The following SVIL variants were observed in gnomAD, a reference collection of about 807,000 sequenced individuals.
SVIL encodes archvillin.
In SVIL, 101 loss-of-function variants were observed where a neutral mutation model predicts 240.4. The ratio of observed to expected loss-of-function variants is 0.42; its 90% CI spans 0.36 to 0.50. The LOEUF is 0.50. Among genes scored for constraint, SVIL ranks in the 20% least tolerant of loss-of-function variants. The pLI, the probability that SVIL is intolerant of heterozygous loss-of-function variation, is 0.01. For synonymous variants in SVIL, 999 were observed against 1,100.0 expected, an observed-to-expected ratio of 0.91 and a Z score of 1.82; for missense variants, 2,512 against 2,818.7, an observed-to-expected ratio of 0.89 and a Z score of 2.46.
chr10:29,616,297 A>G (rs1957423976), intron 1 of SVIL, among the ~76,000 whole-genome samples: 1 of 152,148 alleles, frequency 6.6e-6, no homozygotes, highest in South Asian at 2.1e-4. Flanking sequence ...TCGGCCTCCC[A>G]AAGTGTTAGG....
At chr10:29,477,563 C>T (rs911966373) in intron 29 of SVIL, among the ~76,000 whole-genome samples, 2 of 152,206 alleles carry the variant, frequency 1.3e-5, no homozygotes, top group Non-Finnish European at 2.9e-5. Context: ...AGCTCTGACT[C>T]AGTCCTGTTT....
At chr10:29,491,860 G>T (rs1242495194) in intron 21 of SVIL, among the ~76,000 whole-genome samples, 1 of 152,198 alleles carries the variant, frequency 6.6e-6, no homozygotes, top group South Asian at 2.1e-4. Flanking sequence ...TGGTTAAACC[G>T]CTATGTATGC....
At chr10:29,691,551 G>T (rs1049933999) in intron 1 of SVIL, among the ~76,000 whole-genome samples, 1 of 152,258 alleles carries the variant, frequency 6.6e-6, no homozygotes, top group African/African-American at 2.4e-5. Flanking sequence ...TCTTGGCGAC[G>T]CTCCAGCTTC....
At chr10:29,626,752 C>G (rs1334112190) in intron 1 of SVIL, among the ~76,000 whole-genome samples, 1 of 152,114 alleles carries the variant, frequency 6.6e-6, no homozygotes. Flanking sequence ...AGGCTGGGCG[C>G]GGTGGCTCAG....
rs1453448721 is a variant in SVIL, at chr10:29,530,758, T to G, written c.2045-90A>C. 5.0e-6 allele frequency: 7 copies of G among 1,402,840 alleles called. No individual in the cohort carries two copies. In the East Asian group the frequency reaches 1.6e-4, roughly 32 times the overall value. The allele number at this position is 1,402,840 out of a possible 1,614,324, so 86.9% of individuals were successfully genotyped here. A position where few individuals can be genotyped will look rare whatever the true frequency, so the allele number is the denominator to read the frequency against. On this transcript the variant is annotated intron_variant, in intron 10 of 37. Transcript: ENST00000355867. ...GTCTTTCAGGGCTGACCTGGAAATCTTTGAATACAACAATAGGTGCACTAA... is the reference window on the plus strand; with the variant it reads ...GTCTTTCAGGGCTGACCTGGAAATCGTTGAATACAACAATAGGTGCACTAA...
rs1408391862 is a variant in SVIL, at chr10:29,523,481, T to C, written c.3133A>G (p.Asn1045Asp). 3.1e-6 allele frequency: 5 copies of C among 1,610,072 alleles called. No homozygotes were observed. The highest frequency in any genetic ancestry group is 3.4e-6 in the Non-Finnish European group (4 of 1,178,076). Residue 1045 changes from asparagine to aspartate, a missense_variant, in exon 15 of 38, where the codon AAT becomes GAT. This residue lies in a region of SVIL where 1,443 missense variants were observed against 1,486.6 expected (regional missense o/e 0.97). Coordinates refer to ENST00000355867, the MANE Select transcript of SVIL (RefSeq NM_021738.3). Reference protein sequence around the residue: ...LPFEEKVEVENVMKRKFSLRA... With the variant: ...LPFEEKVEVEDVMKRKFSLRA... ...AGTGAAAACTTCCTTTTCATAACAT[T>C]CTCCACCTCCACCTTCTCTTCAAAG...
rs1397792480 is a variant in SVIL at position 29,551,036 on chromosome 10, A to G, written c.388T>C (p.Ser130Pro). Reference protein sequence around the residue: ...YGLTLDPEADSEYLSRYTKSR... With the variant: ...YGLTLDPEADPEYLSRYTKSR... ...TTGGTATAGCGGGATAAATACTCGGAGTCGGCCTCGGGATCCAGAGTCAGC... is the reference window on the plus strand; with the variant it reads ...TTGGTATAGCGGGATAAATACTCGGGGTCGGCCTCGGGATCCAGAGTCAGC... Residue 130 changes from serine (S) to proline (P), a missense_variant, in exon 6 of 38, where the codon TCC becomes CCC. By Grantham distance (74) the Ser-to-Pro change is moderately conservative. Coordinates refer to ENST00000355867, the MANE Select transcript of SVIL (RefSeq NM_021738.3). 1 of 1,614,024 alleles carries G rather than the reference A, an allele frequency of 6.2e-7. No homozygotes were observed. Among genetic ancestry groups the G allele is most frequent in the South Asian group, 1.1e-5 (1 of 91,068 alleles).
chr10:29,512,973 C>T (rs549536868), intron 16 of SVIL, 112 bp from the exon 17 acceptor site: 6 of 1,404,628 alleles, frequency 4.3e-6, no homozygotes, highest in African/African-American at 2.9e-5. Context: ...CCACAGCCGC[C>T]TCGTTTTAAC....
At chr10:29,467,032 G>A (rs1945009803) in intron 33 of SVIL, among the ~76,000 whole-genome samples, 1 of 152,202 alleles carries the variant, frequency 6.6e-6, no homozygotes, top group African/African-American at 2.4e-5. Context: ...AAATGGCAGA[G>A]TGTTGGGTTG....
At chr10:29,720,144 C>T (rs1374982007) in intron 1 of SVIL, among the ~76,000 whole-genome samples, 1 of 152,134 alleles carries the variant, frequency 6.6e-6, no homozygotes, top group African/African-American at 2.4e-5. Context: ...TTTGAGGCTA[C>T]AGTGGGCTAT....
At chr10:29,540,502 T>C (rs1002378685) in intron 6 of SVIL, among the ~76,000 whole-genome samples, 2 of 152,170 alleles carry the variant, frequency 1.3e-5, no homozygotes, top group Non-Finnish European at 2.9e-5. Context: ...AAAAAGGACA[T>C]TAACTGCTCA....
At chr10:29,492,436 G>A (rs1380330156) in intron 21 of SVIL, among the ~76,000 whole-genome samples, 3 of 152,074 alleles carry the variant, frequency 2.0e-5, no homozygotes, top group African/African-American at 2.4e-5. Flanking sequence ...GACAGACTGT[G>A]TTCTGAGGGG....
intron 1 of SVIL, among the ~76,000 whole-genome samples, chr10:29,691,938 C>T (rs747249492): frequency 2.0e-5 from 3 of 152,158 alleles, no homozygotes; most frequent in Non-Finnish European, 2.9e-5. Flanking sequence ...AGCTCTGGTC[C>T]CCTTCCTGGA....
chr10:29,683,482 A>T (rs1045221731), intron 2 of SVIL, among the ~76,000 whole-genome samples: 1 of 152,160 alleles, frequency 6.6e-6, no homozygotes, highest in Admixed American at 6.5e-5. Context: ...ATCATGAGGC[A>T]TGTCTGATTC....
intron 6 of SVIL, chr10:29,544,938 T>C (rs898857338): frequency 1.9e-6 from 1 of 525,592 alleles, no homozygotes; most frequent in Non-Finnish European, 3.9e-6. Context: ...TCCATTCCAG[T>C]AATAGAATAA....
intron 25 of SVIL, 31 bp from the exon 26 acceptor site, chr10:29,486,261 C>A: frequency 6.2e-7 from 1 of 1,610,302 alleles, no homozygotes; most frequent in South Asian, 1.1e-5. Flanking sequence ...GAGAGCATCA[C>A]ATTTTACATT....
chr10:29,711,604 T>C (rs1963291879), intron 1 of SVIL, among the ~76,000 whole-genome samples: 1 of 151,762 alleles, frequency 6.6e-6, no homozygotes, highest in Non-Finnish European at 1.5e-5. Flanking sequence ...ATACTAAAAA[T>C]GCAAAAATTA....
rs796363462 is a variant in SVIL at position 29,585,084 on chromosome 10, TC to T, written c.-200-15773del. On this transcript the variant is annotated intron_variant, in intron 1 of 37. Transcript: ENST00000355867. ...GCTCAGCTAATATTTTTATTCTTCT[TC>T]CTTTTTTTTTTTTTTGAGACAGGTT... 1.4e-4 allele frequency among the ~76,000 whole-genome samples: 17 copies of T among 117,730 alleles called. 1 individual carries two copies. Among genetic ancestry groups the T allele is most frequent in the East Asian group, 2.5e-4 (1 of 4,068 alleles). 77.2% of individuals were successfully genotyped at this position (117,730 alleles called of 152,430 possible). A position where few individuals can be genotyped will look rare whatever the true frequency, so the allele number is the denominator to read the frequency against.
intron 5 of SVIL, among the ~76,000 whole-genome samples, chr10:29,554,259 T>C (rs541332323): frequency 6.6e-6 from 1 of 151,814 alleles, no homozygotes; most frequent in Admixed American, 6.6e-5. Context: ...TTCAGTGAGC[T>C]TATCAGGCCA....
Sources: gnomAD v4.1 joint callset for allele counts (sites outside exome capture counted in the v4.1 genomes callset) on GRCh38, gnomAD v4.1.1 for gene constraint, gnomAD v4.1.1 regional missense constraint, MANE v1.5 for transcripts, NCBI Gene and HGNC (gene_info 2026-07-23, HGNC 2026-07-21) for gene names.